The following MPPED1 variants were observed in gnomAD, a reference collection of about 807,000 sequenced individuals.
The protein encoded by MPPED1 is metallophosphoesterase domain-containing protein 1.
A neutral mutation model predicts 36.2 loss-of-function variants in MPPED1; 16 were observed. That is an observed-to-expected ratio of 0.44 (90% CI 0.30 to 0.67). The LOEUF (loss-of-function observed/expected upper bound fraction) is 0.67, where lower values mean the gene tolerates loss of function less well. Among genes scored for constraint, MPPED1 ranks in the 30% least tolerant of loss-of-function variants. MPPED1 has a pLI of 0.10. For missense variants in MPPED1, 307 were observed against 453.4 expected, an observed-to-expected ratio of 0.68 and a Z score of 2.93; for synonymous variants, 199 against 191.3, an observed-to-expected ratio of 1.04 and a Z score of -0.33.
chr22:43,470,082 C>CAT (rs1931316619), intron 3 of MPPED1, among the ~76,000 whole-genome samples: 2 of 149,628 alleles, frequency 1.3e-5, no homozygotes, highest in Non-Finnish European at 3.0e-5. Flanking sequence ...CATCCAGCCA[C>CAT]CCATCCATCC....
intron 3 of MPPED1, among the ~76,000 whole-genome samples, chr22:43,449,691 C>T (rs547386204): frequency 1.1e-4 from 17 of 152,280 alleles, no homozygotes; most frequent in African/African-American, 3.9e-4. Flanking sequence ...TGGTTGAGAG[C>T]TCAGACTCTG....
At chr22:43,475,047 G>C (rs1569082043) in intron 4 of MPPED1, 86 bp downstream of exon 4, 16 of 1,234,970 alleles carry the variant, frequency 1.3e-5, no homozygotes, top group Non-Finnish European at 1.7e-5. Context: ...GGGAGTAGCA[G>C]CAGGGAGCTC....
chr22:43,417,645 T>G (rs929011517), intron 1 of MPPED1: 5 of 159,226 alleles, frequency 3.1e-5, no homozygotes, highest in African/African-American at 1.2e-4. Flanking sequence ...ATCTCCTGCA[T>G]TTTGCTTGCA....
At chr22:43,465,131 G>A (rs114185396) in intron 3 of MPPED1, among the ~76,000 whole-genome samples, 7,532 of 152,246 alleles carry the variant, frequency 0.049, 622 homozygotes, top group African/African-American at 0.17. Flanking sequence ...GAGGGGAAAG[G>A]CCTCACTATC....
intron 4 of MPPED1, among the ~76,000 whole-genome samples, chr22:43,497,931 A>ATG (rs1555904564): frequency 0.51 from 66,021 of 128,956 alleles, 17,511 homozygotes; most frequent in Admixed American, 0.59. Context: ...ATATATATGT[A>ATG]TATGTATATA....
chr22:43,476,930 C>A (rs75142394), intron 4 of MPPED1, among the ~76,000 whole-genome samples: 3 of 152,140 alleles, frequency 2.0e-5, no homozygotes, highest in Non-Finnish European at 4.4e-5. Context: ...ACCCAGCAAG[C>A]TTTCCCCTTG....
chr22:43,472,850 G>A (rs1451181048), intron 3 of MPPED1, among the ~76,000 whole-genome samples: 3 of 152,298 alleles, frequency 2.0e-5, no homozygotes, highest in East Asian at 3.9e-4. Flanking sequence ...TTATAACGGG[G>A]CACTGGACCC....
chr22:43,432,074 G>T (rs192585682), intron 2 of MPPED1, among the ~76,000 whole-genome samples: 1 of 152,334 alleles, frequency 6.6e-6, no homozygotes, highest in Non-Finnish European at 1.5e-5. Flanking sequence ...GGCTCCCAGA[G>T]GGTAGACTGT....
chr22:43,490,333 C>G (rs956528124), intron 4 of MPPED1, among the ~76,000 whole-genome samples: 14 of 152,352 alleles, frequency 9.2e-5, no homozygotes, highest in African/African-American at 2.9e-4. Flanking sequence ...TCACCCAGCT[C>G]TGCCTGGGCC....
In MPPED1 at chr22:43,502,802, T is replaced by G; in HGVS notation, c.862+45T>G. The G allele has an allele frequency of 8.6e-6, 13 of 1,505,584 alleles. No homozygotes were observed. The highest frequency in any genetic ancestry group is 2.3e-5 in the East Asian group (1 of 44,424). The allele number at this position is 1,505,584 out of a possible 1,614,324, so 93.3% of individuals were successfully genotyped here. ...AGGCACCTCACGGGCTAGGGGCTCCTAATGGACCCTCCAGCAGGACCTCCC... is the reference window on the plus strand; with the variant it reads ...AGGCACCTCACGGGCTAGGGGCTCCGAATGGACCCTCCAGCAGGACCTCCC... On this transcript the variant is annotated intron_variant, in intron 6 of 6. Transcript: ENST00000443721. This position sits in a 1 kb window ranked among gnomAD's most constrained non-coding sequence, Gnocchi z 5.5.
chr22:43,489,744 C>T (rs1179129052), intron 4 of MPPED1, among the ~76,000 whole-genome samples: 3 of 152,114 alleles, frequency 2.0e-5, no homozygotes, highest in Non-Finnish European at 4.4e-5. Context: ...GTGTCGAACT[C>T]CTGACCTGAG....
intron 1 of MPPED1, chr22:43,418,072 C>G (rs898576124): frequency 4.4e-6 from 2 of 456,266 alleles, no homozygotes; most frequent in Admixed American, 4.7e-5. Context: ...TGCTAGCCCC[C>G]CAGTGATTGT....
At chr22:43,436,834 G>C (rs1399443163) in intron 3 of MPPED1, among the ~76,000 whole-genome samples, 2 of 152,256 alleles carry the variant, frequency 1.3e-5, no homozygotes, top group Non-Finnish European at 2.9e-5. Flanking sequence ...TTTGGGAACA[G>C]CTACTTGAGG....
chr22:43,496,024 GAT>G (rs1318457390), intron 4 of MPPED1, among the ~76,000 whole-genome samples: 82 of 88,722 alleles, frequency 9.2e-4, no homozygotes, highest in Admixed American at 1.7e-3. Context: ...TGGAGGTGGT[GAT>G]GGTGGAGGTG....
intron 3 of MPPED1, among the ~76,000 whole-genome samples, chr22:43,441,671 G>A (rs747812067): frequency 5.3e-5 from 8 of 152,270 alleles, no homozygotes; most frequent in Non-Finnish European, 8.8e-5. Context: ...AGCATAACAC[G>A]ATATATGAGA....
At chr22:43,493,994 T>C (rs1048564129) in intron 4 of MPPED1, among the ~76,000 whole-genome samples, 1 of 152,094 alleles carries the variant, frequency 6.6e-6, no homozygotes, top group African/African-American at 2.4e-5. Context: ...TTGGTTCCTT[T>C]TGGGGGGCTC....
intron 3 of MPPED1, among the ~76,000 whole-genome samples, chr22:43,444,279 G>GGGGTGTGTGTGTGT (rs1234228311): frequency 3.5e-5 from 5 of 141,934 alleles, no homozygotes; most frequent in African/African-American, 1.3e-4. Flanking sequence ...GACCCACTGG[G>GGGGTGTGTGTGTGT]GTGTGTGTGT....
At chr22:43,422,817 C>A (rs1009420572) in intron 1 of MPPED1, among the ~76,000 whole-genome samples, 2 of 152,136 alleles carry the variant, frequency 1.3e-5, no homozygotes, top group Non-Finnish European at 2.9e-5. Context: ...ACCTGCACAA[C>A]CCCCAGGAGG....
chr22:43,441,115 C>T (rs1930134128), intron 3 of MPPED1, among the ~76,000 whole-genome samples: 3 of 152,192 alleles, frequency 2.0e-5, no homozygotes, highest in African/African-American at 7.2e-5. Context: ...TCTTACAAAA[C>T]ACCTCCTCCT....
Sources: gnomAD v4.1 joint callset for allele counts (sites outside exome capture counted in the v4.1 genomes callset) on GRCh38, gnomAD v4.1.1 for gene constraint, Gnocchi (gnomAD v3.1) non-coding constraint, MANE v1.5 for transcripts, NCBI Gene and HGNC (gene_info 2026-07-23, HGNC 2026-07-21) for gene names.